Variants in EPB41L2 observed in about 807,000 individuals in gnomAD.
EPB41L2 encodes the protein erythrocyte membrane protein band 4.1 like 2.
Under a neutral mutation model 113.0 loss-of-function variants are expected in EPB41L2, and 43 were observed. The ratio of observed to expected loss-of-function variants is 0.38; its 90% CI spans 0.30 to 0.49. The LOEUF (loss-of-function observed/expected upper bound fraction) is 0.49. Among genes scored for constraint, EPB41L2 ranks in the 20% least tolerant of loss-of-function variants. The pLI is 0.95. For synonymous variants in EPB41L2, 442 were observed against 436.7 expected (o/e 1.01, Z -0.15); for missense variants, 1,147 against 1,223.4 (o/e 0.94, Z 0.93).
At chr6:130,872,298 C>A (rs62423564) in intron 14 of EPB41L2, 22,139 of 1,170,326 alleles carry the variant, frequency 0.019, 268 homozygotes, top group Non-Finnish European at 0.022. Context: ...GGAATGGTGC[C>A]TGAATATTTA....
At chr6:131,045,562 G>A (rs1795289991) in intron 1 of EPB41L2, among the ~76,000 whole-genome samples, 1 of 151,988 alleles carries the variant, frequency 6.6e-6, no homozygotes, top group Non-Finnish European at 1.5e-5. Context: ...GATAGTCAGA[G>A]GAAAAGAAGT....
chr6:131,054,810 C>G (rs910525684), intron 1 of EPB41L2, among the ~76,000 whole-genome samples: 5 of 152,244 alleles, frequency 3.3e-5, no homozygotes, highest in Non-Finnish European at 5.9e-5. Flanking sequence ...GCAAAGGCAG[C>G]CCCTGAGCTT....
At chr6:130,865,246 G>C (rs1035110662) in intron 17 of EPB41L2, among the ~76,000 whole-genome samples, 2 of 152,134 alleles carry the variant, frequency 1.3e-5, no homozygotes, top group Non-Finnish European at 2.9e-5. Context: ...GCACAAGTTT[G>C]TTTTTATAAA....
intron 1 of EPB41L2, among the ~76,000 whole-genome samples, chr6:130,986,578 G>A (rs1002737254): frequency 1.3e-5 from 2 of 151,316 alleles, no homozygotes; most frequent in Non-Finnish European, 2.9e-5. Context: ...AGAGGTATAG[G>A]ATTTTTTTCT....
At chr6:131,032,319 G>A (rs887953940) in intron 1 of EPB41L2, among the ~76,000 whole-genome samples, 6 of 151,264 alleles carry the variant, frequency 4.0e-5, no homozygotes, top group South Asian at 2.1e-4. Flanking sequence ...TTCAGCTCCC[G>A]AGAATGTAAA....
At chr6:130,904,138 C>A (rs1158823515) in intron 6 of EPB41L2, among the ~76,000 whole-genome samples, 1 of 152,004 alleles carries the variant, frequency 6.6e-6, no homozygotes, top group Non-Finnish European at 1.5e-5. Context: ...GAGTTATATA[C>A]AATAAAAATG....
intron 12 of EPB41L2, among the ~76,000 whole-genome samples, chr6:130,884,354 A>T (rs1790249486): frequency 6.6e-6 from 1 of 152,204 alleles, no homozygotes; most frequent in African/African-American, 2.4e-5. Flanking sequence ...AAAAAAAATA[A>T]AATAGAAAAC....
intron 4 of EPB41L2, among the ~76,000 whole-genome samples, chr6:130,913,488 A>T (rs948649144): frequency 6.6e-6 from 1 of 152,132 alleles, no homozygotes; most frequent in Non-Finnish European, 1.5e-5. Context: ...AGACCATATT[A>T]TTTATATCTT....
At chr6:130,924,447 C>G (rs1026116860) in intron 4 of EPB41L2, among the ~76,000 whole-genome samples, 2 of 151,790 alleles carry the variant, frequency 1.3e-5, no homozygotes, top group Non-Finnish European at 2.9e-5. Context: ...GCCACAATCT[C>G]GGCTCACTGC....
At chr6:130,940,758 C>T (rs192218607) in intron 3 of EPB41L2, among the ~76,000 whole-genome samples, 105 of 152,274 alleles carry the variant, frequency 6.9e-4, no homozygotes, top group Non-Finnish European at 1.1e-3. Flanking sequence ...CATAAGCCAG[C>T]GTGCTCAGCC....
chr6:130,944,854 G>T (rs1812256016), intron 3 of EPB41L2, among the ~76,000 whole-genome samples: 1 of 152,166 alleles, frequency 6.6e-6, no homozygotes, highest in Non-Finnish European at 1.5e-5. Context: ...GGAGTGACTT[G>T]ATTATGAGGC....
At chr6:130,991,560 A>C (rs1231265543) in intron 1 of EPB41L2, among the ~76,000 whole-genome samples, 1 of 152,250 alleles carries the variant, frequency 6.6e-6, no homozygotes, top group African/African-American at 2.4e-5. Flanking sequence ...CTCAAAACAC[A>C]TTCGTTAAAA....
At chr6:131,040,634 C>A (rs1396564128) in intron 1 of EPB41L2, among the ~76,000 whole-genome samples, 2 of 152,130 alleles carry the variant, frequency 1.3e-5, no homozygotes, top group Non-Finnish European at 2.9e-5. Flanking sequence ...TCTCACTCCT[C>A]CCAGATTATA....
chr6:130,911,343 G>C (rs990629238), intron 4 of EPB41L2, among the ~76,000 whole-genome samples: 3 of 152,062 alleles, frequency 2.0e-5, no homozygotes, highest in African/African-American at 7.2e-5. Flanking sequence ...CACGGAGAGG[G>C]GAACATCACA....
chr6:131,029,637 T>A (rs1364375160), intron 1 of EPB41L2, among the ~76,000 whole-genome samples: 1 of 152,208 alleles, frequency 6.6e-6, no homozygotes, highest in Non-Finnish European at 1.5e-5. Flanking sequence ...TCAACGCCCA[T>A]GGAATCCTGA....
intron 6 of EPB41L2, among the ~76,000 whole-genome samples, chr6:130,903,391 A>ATAT (rs1364229605): frequency 7.6e-6 from 1 of 131,844 alleles, no homozygotes; most frequent in Non-Finnish European, 1.5e-5. Context: ...TTCAGCAACA[A>ATAT]GTAGTTTAAA....
chr6:130,855,411 T>C (rs536412151), intron 19 of EPB41L2, among the ~76,000 whole-genome samples: 65 of 152,244 alleles, frequency 4.3e-4, no homozygotes, highest in African/African-American at 1.5e-3. Flanking sequence ...AAAAGATCAA[T>C]ATCCACATAC....
chr6:131,051,802 C>A (rs1796616271), intron 1 of EPB41L2, among the ~76,000 whole-genome samples: 1 of 152,134 alleles, frequency 6.6e-6, no homozygotes, highest in African/African-American at 2.4e-5. Context: ...ATAAGAGCAA[C>A]CAAACTGAGA....
chr6:130,931,354 A>AAG (rs1740946263), intron 3 of EPB41L2, among the ~76,000 whole-genome samples: 2 of 152,288 alleles, frequency 1.3e-5, no homozygotes, highest in South Asian at 4.1e-4. Flanking sequence ...AATGAAACAT[A>AAG]AGCTAGGGAA....
Sources: gnomAD v4.1 joint callset for allele counts (sites outside exome capture counted in the v4.1 genomes callset) on GRCh38, gnomAD v4.1.1 for gene constraint, MANE v1.5 for transcripts, NCBI Gene and HGNC (gene_info 2026-07-23, HGNC 2026-07-21) for gene names.